Variants in ADAMTS12 observed in about 807,000 individuals in gnomAD.
ADAMTS12 encodes the protein A disintegrin and metalloproteinase with thrombospondin motifs 12.
In ADAMTS12, 118 loss-of-function variants were observed where a neutral mutation model predicts 167.8. The ratio of observed to expected loss-of-function variants is 0.70; its 90% CI spans 0.61 to 0.82. The LOEUF is 0.82. ADAMTS12 is among the 40% of genes least tolerant of loss of function. ADAMTS12 has a pLI of 0.00. For synonymous variants in ADAMTS12, 704 were observed against 716.9 expected, an observed-to-expected ratio of 0.98 and a Z score of 0.29; for missense variants, 1,916 against 1,998.8, an observed-to-expected ratio of 0.96 and a Z score of 0.79.
chr5:33,633,259 T>C (rs969579591), intron 12 of ADAMTS12, among the ~76,000 whole-genome samples: 3 of 144,814 alleles, frequency 2.1e-5, no homozygotes, highest in Non-Finnish European at 1.5e-5. Context: ...GTGATATTCA[T>C]GACACATCAC....
intron 21 of ADAMTS12, among the ~76,000 whole-genome samples, chr5:33,547,787 CT>C (rs1745054305): frequency 6.6e-6 from 1 of 152,100 alleles, no homozygotes; most frequent in Non-Finnish European, 1.5e-5. Flanking sequence ...GATTGCTCAT[CT>C]TTGATCGCCT....
intron 3 of ADAMTS12, among the ~76,000 whole-genome samples, chr5:33,697,791 CGA>C (rs1742838638): frequency 1.3e-5 from 2 of 152,154 alleles, no homozygotes; most frequent in Non-Finnish European, 2.9e-5. Context: ...TCAGATTATA[CGA>C]ACTGACCCCG....
chr5:33,614,300 T>C lies in ADAMTS12; in HGVS notation c.2465A>G (p.Glu822Gly), dbSNP rs1411585879. 6.2e-7 allele frequency: 1 copy of C among 1,614,032 alleles called. No individual in the cohort carries two copies. The highest frequency in any genetic ancestry group is 1.3e-5 in the African/African-American group (1 of 74,932). Residue 822 changes from glutamate to glycine, a missense_variant, in exon 16 of 24, where the codon GAG (glutamate) becomes GGG (glycine). Physicochemically the swap from Glu to Gly is moderately conservative, Grantham distance 98. Coordinates refer to ENST00000504830, the MANE Select transcript of ADAMTS12 (RefSeq NM_030955.4). ...GTACTGCCAGAAGTACATCTGCTGC[T>C]CAACATCATTGTCAAGGCCATCTTT... ...IQKDGLDNDV[E>G]QQMYFWQYGH... is the part of the protein sequence containing the mutation.
intron 2 of ADAMTS12, among the ~76,000 whole-genome samples, chr5:33,810,031 C>G (rs918716074): frequency 2.0e-5 from 3 of 148,418 alleles, no homozygotes; most frequent in Admixed American, 2.0e-4. Context: ...ATATGATCCA[C>G]TGGAAAATGC....
intron 2 of ADAMTS12, among the ~76,000 whole-genome samples, chr5:33,843,113 A>C (rs1748804011): frequency 6.6e-6 from 1 of 152,134 alleles, no homozygotes; most frequent in Non-Finnish European, 1.5e-5. Context: ...AAAGCCCTTA[A>C]GTAGGACAGA....
chr5:33,695,255 C>T (rs192217437), intron 3 of ADAMTS12, among the ~76,000 whole-genome samples: 1 of 152,154 alleles, frequency 6.6e-6, no homozygotes, highest in Admixed American at 6.5e-5. Flanking sequence ...GCTGTTTTAT[C>T]CTCACCCTCA....
chr5:33,627,318 G>A (rs1739703192), intron 13 of ADAMTS12, among the ~76,000 whole-genome samples: 1 of 149,382 alleles, frequency 6.7e-6, no homozygotes, highest in South Asian at 2.2e-4. Context: ...ATGGTGGTGG[G>A]GATGGTTGGG....
At chr5:33,760,783 G>A (rs2112408019) in intron 2 of ADAMTS12, among the ~76,000 whole-genome samples, 1 of 152,248 alleles carries the variant, frequency 6.6e-6, no homozygotes, top group East Asian at 1.9e-4. Context: ...AAAGAGGAAT[G>A]CCAGAGTTTT....
intron 2 of ADAMTS12, among the ~76,000 whole-genome samples, chr5:33,807,213 C>A (rs1747270389): frequency 6.6e-6 from 1 of 152,140 alleles, no homozygotes; most frequent in Non-Finnish European, 1.5e-5. Flanking sequence ...TTGTTTCTCT[C>A]TGCCTGATAT....
chr5:33,623,662 G>A (rs1027858821), intron 14 of ADAMTS12, among the ~76,000 whole-genome samples: 1 of 152,172 alleles, frequency 6.6e-6, no homozygotes, highest in East Asian at 1.9e-4. Context: ...AAATTCATAA[G>A]GGACCAGTGG....
chr5:33,838,796 A>AT (rs1748629993), intron 2 of ADAMTS12, among the ~76,000 whole-genome samples: 1 of 152,116 alleles, frequency 6.6e-6, no homozygotes, highest in Non-Finnish European at 1.5e-5. Context: ...GAAGGGACTG[A>AT]AGTGAGTAGG....
At chr5:33,754,347 AG>A (rs2069677996) in intron 2 of ADAMTS12, among the ~76,000 whole-genome samples, 1 of 152,200 alleles carries the variant, frequency 6.6e-6, no homozygotes, top group Non-Finnish European at 1.5e-5. Flanking sequence ...AATGGAATTG[AG>A]GAAAAAGTAT....
rs561851663 is a variant in ADAMTS12, at chr5:33,693,425, G to A, written c.635-9370C>T. Among the ~76,000 whole-genome samples, 9 of 152,178 alleles carry A rather than the reference G, an allele frequency of 5.9e-5. No homozygotes were observed. The South Asian group carries it at 1.7e-3, about 28-fold the overall frequency. ...ATATATATGGGCTTATTACATACCT[G>A]TGTACACACAAACATATTTACAGTT... On this transcript the variant is annotated intron_variant, in intron 3 of 23. Coordinates refer to ENST00000504830, the MANE Select transcript of ADAMTS12 (RefSeq NM_030955.4).
chr5:33,791,798 G>A (rs539204467), intron 2 of ADAMTS12, among the ~76,000 whole-genome samples: 41 of 149,096 alleles, frequency 2.7e-4, no homozygotes, highest in East Asian at 1.8e-3. Flanking sequence ...TTAGGATAGC[G>A]AAGTTGGTAT....
At chr5:33,707,102 A>G (rs1743229911) in intron 3 of ADAMTS12, among the ~76,000 whole-genome samples, 1 of 152,222 alleles carries the variant, frequency 6.6e-6, no homozygotes. Flanking sequence ...CAACTTCAGC[A>G]AAGTCTCAGG....
At chr5:33,800,753 C>T (rs1412391496) in intron 2 of ADAMTS12, among the ~76,000 whole-genome samples, 1 of 152,080 alleles carries the variant, frequency 6.6e-6, no homozygotes, top group African/African-American at 2.4e-5. Context: ...GTGCTGGAGC[C>T]CCCATGTGCC....
At chr5:33,573,780 A>G (rs930421613) in intron 19 of ADAMTS12, among the ~76,000 whole-genome samples, 42 of 152,236 alleles carry the variant, frequency 2.8e-4, no homozygotes, top group African/African-American at 9.4e-4. Context: ...TCTGCACAGC[A>G]AAAGAAACTA....
intron 16 of ADAMTS12, among the ~76,000 whole-genome samples, chr5:33,613,787 G>A (rs1416661008): frequency 6.6e-6 from 1 of 152,154 alleles, no homozygotes; most frequent in African/African-American, 2.4e-5. Context: ...CTACTCCTCT[G>A]CTATATGTAT....
chr5:33,600,442 A>G (rs1362185371), intron 16 of ADAMTS12, among the ~76,000 whole-genome samples: 2 of 152,240 alleles, frequency 1.3e-5, no homozygotes, highest in African/African-American at 4.8e-5. Flanking sequence ...AGATTGTAAA[A>G]TCAAGGGAGT....
Sources: allele counts gnomAD v4.1 joint callset (sites outside exome capture counted in the v4.1 genomes callset), GRCh38; gene constraint gnomAD v4.1.1; transcripts MANE v1.5; gene names NCBI Gene and HGNC (gene_info 2026-07-23, HGNC 2026-07-21).